Variants in RGS12 observed in about 807,000 individuals in gnomAD.
RGS12 encodes regulator of G-protein signaling 12.
In RGS12, 66 loss-of-function variants were observed where a neutral mutation model predicts 120.1. That is an observed-to-expected ratio of 0.55 (90% CI 0.45 to 0.67). The LOEUF (loss-of-function observed/expected upper bound fraction) is 0.67. RGS12 is among the 30% of genes least tolerant of loss of function. RGS12 has a pLI of 0.00. For missense variants in RGS12, 1,859 were observed against 1,957.7 expected, an observed-to-expected ratio of 0.95 and a Z score of 0.95; for synonymous variants, 827 against 804.7, an observed-to-expected ratio of 1.03 and a Z score of -0.47.
chr4:3,397,571 C>T (rs924366416), intron 4 of RGS12, among the ~76,000 whole-genome samples: 4 of 152,148 alleles, frequency 2.6e-5, no homozygotes, highest in Non-Finnish European at 5.9e-5. Context: ...CCTCAGGCAG[C>T]TCGGAGGATG....
At chr4:3,331,207 CAAAG>C (rs892866467) in intron 2 of RGS12, among the ~76,000 whole-genome samples, 3 of 152,224 alleles carry the variant, frequency 2.0e-5, no homozygotes, top group African/African-American at 7.2e-5. Flanking sequence ...TAACACCCCT[CAAAG>C]AAACCTATAC....
intron 12 of RGS12, 125 bp downstream of exon 12, chr4:3,423,103 T>TCGGGGGGGGGGG: frequency 2.9e-6 from 1 of 344,132 alleles, no homozygotes; most frequent in Non-Finnish European, 5.8e-6. Flanking sequence ...CGATGGGGTG[T>TCGGGGGGGGGGG]CGGGGCGGGG....
chr4:3,318,072 T>G, intron 2 of RGS12, 21 bp downstream of exon 2: 1 of 1,576,734 alleles, frequency 6.3e-7, no homozygotes, highest in South Asian at 1.2e-5. Flanking sequence ...CAGGAGCCAC[T>G]CAGCGCGGAG....
intron 4 of RGS12, among the ~76,000 whole-genome samples, chr4:3,406,001 G>T (rs750546123): frequency 2.0e-5 from 3 of 152,154 alleles, no homozygotes; most frequent in East Asian, 1.9e-4. Context: ...CTCGGTGCTC[G>T]TATGTCCCGG....
intron 17 of RGS12, among the ~76,000 whole-genome samples, chr4:3,436,705 CAG>C (rs1212873637): frequency 6.6e-6 from 1 of 152,210 alleles, no homozygotes; most frequent in Admixed American, 6.5e-5. Flanking sequence ...GTGGCTGGCA[CAG>C]AGACATTCAT....
chr4:3,291,673 A>T (rs1723030086), upstream of RGS12, among the ~76,000 whole-genome samples: 2 of 152,100 alleles, frequency 1.3e-5, no homozygotes, highest in South Asian at 4.2e-4. Context: ...CTGCTGGGTC[A>T]TCAAGGGCTG....
intron 9 of RGS12, among the ~76,000 whole-genome samples, chr4:3,420,046 G>A (rs1386766969): frequency 6.6e-6 from 1 of 152,180 alleles, no homozygotes; most frequent in African/African-American, 2.4e-5. Flanking sequence ...GAAAAGTCCT[G>A]TGTCCGAATT....
chr4:3,327,776 C>T (rs1256941739), intron 2 of RGS12, among the ~76,000 whole-genome samples: 1 of 152,194 alleles, frequency 6.6e-6, no homozygotes, highest in Non-Finnish European at 1.5e-5. Context: ...AACTCTTATA[C>T]ACTGTAGTTG....
intron 13 of RGS12, among the ~76,000 whole-genome samples, chr4:3,425,243 G>C (rs1185309419): frequency 6.6e-6 from 1 of 152,138 alleles, no homozygotes; most frequent in Non-Finnish European, 1.5e-5. Context: ...CACCTCCTGC[G>C]TGATTCCATC....
At chr4:3,420,985 A>C (rs1722961233) in intron 10 of RGS12, among the ~76,000 whole-genome samples, 1 of 152,246 alleles carries the variant, frequency 6.6e-6, no homozygotes, top group Non-Finnish European at 1.5e-5. Flanking sequence ...AGGGAACTCA[A>C]AGTATCTTTG....
chr4:3,285,918 C>T, the RGS12 span, among the ~76,000 whole-genome samples: 2 of 152,226 alleles, frequency 1.3e-5, no homozygotes, highest in Non-Finnish European at 2.9e-5. Flanking sequence ...CCCTCAGCTT[C>T]GCCGTGAGGA....
intron 4 of RGS12, among the ~76,000 whole-genome samples, chr4:3,394,839 C>T (rs1577041670): frequency 6.6e-6 from 1 of 152,064 alleles, no homozygotes. Flanking sequence ...AGGGACCTCT[C>T]ACCCGACGGC....
chr4:3,388,024 C>G (rs1215017731), intron 4 of RGS12, among the ~76,000 whole-genome samples: 1 of 152,062 alleles, frequency 6.6e-6, no homozygotes, highest in African/African-American at 2.4e-5. Flanking sequence ...GGAAGTGTGT[C>G]CTGGCTCCTC....
At chr4:3,414,339 C>A in intron 5 of RGS12, 98 bp downstream of exon 5, 1 of 1,360,472 alleles carries the variant, frequency 7.4e-7, no homozygotes, top group Non-Finnish European at 9.8e-7. Context: ...CGGCACCCTG[C>A]GGGCCCTGAG....
intron 2 of RGS12, among the ~76,000 whole-genome samples, chr4:3,335,555 T>C (rs1163256616): frequency 6.6e-6 from 1 of 151,710 alleles, no homozygotes; most frequent in Non-Finnish European, 1.5e-5. Flanking sequence ...AAGGCAGGAG[T>C]GTCACCATAG....
At chr4:3,431,428 C>A (rs138395178) in intron 17 of RGS12, 1 of 997,262 alleles carries the variant, frequency 1.0e-6, no homozygotes, top group South Asian at 4.4e-5. Flanking sequence ...GGCCCGTCCT[C>A]GGAAGAGCCT....
At chr4:3,420,349 C>G (rs1722869697) in intron 9 of RGS12, 3 of 510,270 alleles carry the variant, frequency 5.9e-6, no homozygotes, top group Non-Finnish European at 1.1e-5. Context: ...TGTTGGGCAC[C>G]TGCCATGAGC....
At chr4:3,378,952 T>C (rs1420251587) in intron 3 of RGS12, among the ~76,000 whole-genome samples, 1 of 152,024 alleles carries the variant, frequency 6.6e-6, no homozygotes, top group African/African-American at 2.4e-5. Flanking sequence ...TTCATGGAAG[T>C]GTTAATCACA....
chr4:3,319,879 G>A (rs115776583), intron 2 of RGS12, among the ~76,000 whole-genome samples: 11 of 152,232 alleles, frequency 7.2e-5, no homozygotes, highest in South Asian at 2.1e-4. Context: ...TCACTTCTCC[G>A]TGGAGCCTGT....
Sources: allele counts gnomAD v4.1 joint callset (sites outside exome capture counted in the v4.1 genomes callset), GRCh38; gene constraint gnomAD v4.1.1; transcripts MANE v1.5; gene names NCBI Gene and HGNC (gene_info 2026-07-23, HGNC 2026-07-21).